The following PTPRT variants were observed in gnomAD, a reference collection of about 807,000 sequenced individuals.
PTPRT encodes the protein protein tyrosine phosphatase receptor type T.
PTPRT carries 56 observed loss-of-function variants against 176.8 expected under a neutral mutation model. The observed-to-expected ratio is 0.32, with a 90% CI of 0.26 to 0.40. The LOEUF (loss-of-function observed/expected upper bound fraction) is 0.40. Ranked by LOEUF, PTPRT falls within the 10% of genes least tolerant of loss-of-function variation. PTPRT has a pLI of 1.00. For missense variants in PTPRT, 1,540 were observed against 1,908.2 expected (o/e 0.81, Z 3.60); for synonymous variants, 783 against 739.0 (o/e 1.06, Z -0.96).
intron 19 of PTPRT, among the ~76,000 whole-genome samples, chr20:42,122,262 C>T (rs1432336610): frequency 6.6e-6 from 1 of 152,132 alleles, no homozygotes; most frequent in East Asian, 1.9e-4. Flanking sequence ...ATGTGCCAGG[C>T]ACTATTCTAA....
intron 12 of PTPRT, among the ~76,000 whole-genome samples, chr20:42,292,803 G>T (rs995050916): frequency 6.6e-6 from 1 of 152,164 alleles, no homozygotes; most frequent in Non-Finnish European, 1.5e-5. Context: ...ATAAGATCTG[G>T]AATCCTTGAG....
intron 9 of PTPRT, among the ~76,000 whole-genome samples, chr20:42,433,207 C>T (rs555521598): frequency 5.3e-5 from 8 of 152,188 alleles, no homozygotes; most frequent in Admixed American, 3.9e-4. Context: ...ATAATGCTGA[C>T]GTCCCTGCAG....
intron 6 of PTPRT, among the ~76,000 whole-genome samples, chr20:42,731,687 T>C (rs892571517): frequency 2.6e-5 from 4 of 152,198 alleles, no homozygotes; most frequent in African/African-American, 7.2e-5. Context: ...GGTGCTGGGA[T>C]GTCCAGCAAG....
chr20:42,634,006 TA>T (rs527894247), intron 7 of PTPRT, among the ~76,000 whole-genome samples: 2,576 of 16,276 alleles, frequency 0.16, 664 homozygotes, highest in African/African-American at 0.46. Context: ...ATATTATATA[TA>T]TATAATATAT....
chr20:42,154,773 C>G (rs1989278503), intron 17 of PTPRT, among the ~76,000 whole-genome samples: 3 of 152,206 alleles, frequency 2.0e-5, no homozygotes, highest in African/African-American at 7.2e-5. Flanking sequence ...ACACAGATAA[C>G]TCGGCTCTCC....
At chr20:43,020,802 C>T (rs1172458719) in intron 1 of PTPRT, among the ~76,000 whole-genome samples, 3 of 152,146 alleles carry the variant, frequency 2.0e-5, no homozygotes, top group Non-Finnish European at 4.4e-5. Flanking sequence ...GTAATCAATG[C>T]TTCATATTTT....
intron 7 of PTPRT, among the ~76,000 whole-genome samples, chr20:42,637,365 T>G (rs541756722): frequency 1.3e-5 from 2 of 152,240 alleles, no homozygotes; most frequent in South Asian, 4.1e-4. Context: ...CATCATCTCC[T>G]GCCAGTCTCC....
intron 9 of PTPRT, among the ~76,000 whole-genome samples, chr20:42,365,085 T>C (rs761154075): frequency 2.6e-5 from 4 of 152,220 alleles, no homozygotes; most frequent in Admixed American, 6.5e-5. Flanking sequence ...TTCAGTAATA[T>C]ACTTTCTTTA....
chr20:42,474,337 G>GA (rs1380804656), intron 7 of PTPRT, among the ~76,000 whole-genome samples: 1 of 152,130 alleles, frequency 6.6e-6, no homozygotes, highest in Non-Finnish European at 1.5e-5. Flanking sequence ...TCCCTATGGG[G>GA]AAAATATCCT....
chr20:42,727,031 T>G (rs2076391160), intron 6 of PTPRT, among the ~76,000 whole-genome samples: 4 of 152,118 alleles, frequency 2.6e-5, no homozygotes, highest in African/African-American at 9.7e-5. Flanking sequence ...CCTCACTTTT[T>G]GCCTGCCAAT....
intron 1 of PTPRT, among the ~76,000 whole-genome samples, chr20:42,897,520 G>C (rs972245449): frequency 6.6e-6 from 1 of 152,180 alleles, no homozygotes; most frequent in Non-Finnish European, 1.5e-5. Context: ...TAACAGAAAC[G>C]GCGGTGCCCT....
At chr20:42,957,608 T>C (rs1277086044) in intron 1 of PTPRT, among the ~76,000 whole-genome samples, 1 of 152,064 alleles carries the variant, frequency 6.6e-6, no homozygotes, top group Non-Finnish European at 1.5e-5. Context: ...CAGAGACAAA[T>C]GACACAGGGT....
chr20:43,183,375 G>A (rs2015313584), intron 1 of PTPRT, among the ~76,000 whole-genome samples: 1 of 152,154 alleles, frequency 6.6e-6, no homozygotes, highest in Non-Finnish European at 1.5e-5. Context: ...GCAGCAATGA[G>A]GCATCAGTAG....
intron 2 of PTPRT, among the ~76,000 whole-genome samples, chr20:42,811,563 T>C (rs1046426145): frequency 3.3e-5 from 5 of 152,198 alleles, no homozygotes; most frequent in African/African-American, 9.6e-5. Flanking sequence ...GTAATTATAC[T>C]ATATTTTAAC....
chr20:42,783,451 A>AAAAATGGTAAT (rs1231089894), intron 3 of PTPRT, among the ~76,000 whole-genome samples: 1 of 152,232 alleles, frequency 6.6e-6, no homozygotes, highest in Non-Finnish European at 1.5e-5. Context: ...AAGAGGAAGT[A>AAAAATGGTAAT]AAAATGGTAA....
At chr20:42,768,204 A>C (rs962780854) in intron 5 of PTPRT, among the ~76,000 whole-genome samples, 4 of 152,192 alleles carry the variant, frequency 2.6e-5, no homozygotes, top group African/African-American at 9.7e-5. Flanking sequence ...TCCTTGAAAA[A>C]ATAGTTACTG....
At chr20:42,104,312 T>TA (rs548048297) in intron 25 of PTPRT, among the ~76,000 whole-genome samples, 2 of 151,802 alleles carry the variant, frequency 1.3e-5, no homozygotes, top group African/African-American at 2.4e-5. Context: ...CTATAAAAAG[T>TA]AAAAAAAAGA....
chr20:42,107,685 A>T (rs1986591404), intron 23 of PTPRT, among the ~76,000 whole-genome samples: 1 of 152,228 alleles, frequency 6.6e-6, no homozygotes, highest in Admixed American at 6.5e-5. Context: ...TTGGATGGGA[A>T]GGCCGGGCAG....
intron 7 of PTPRT, among the ~76,000 whole-genome samples, chr20:42,596,445 C>T (rs1484966562): frequency 6.6e-6 from 1 of 152,188 alleles, no homozygotes; most frequent in Non-Finnish European, 1.5e-5. Context: ...ATACGGAATA[C>T]CACGGCGGTC....
Sources: gnomAD v4.1 joint callset for allele counts (sites outside exome capture counted in the v4.1 genomes callset) on GRCh38, gnomAD v4.1.1 for gene constraint, MANE v1.5 for transcripts, NCBI Gene and HGNC (gene_info 2026-07-23, HGNC 2026-07-21) for gene names.